RABGAP1L: variants seen among roughly 807,000 people sequenced by gnomAD.
RABGAP1L encodes the protein RAB GTPase activating protein 1 like.
Under a neutral mutation model 137.7 loss-of-function variants are expected in RABGAP1L, and 63 were observed. The observed-to-expected ratio is 0.46, with a 90% confidence interval of 0.37 to 0.56. The LOEUF (loss-of-function observed/expected upper bound fraction) is 0.56. Among genes scored for constraint, RABGAP1L ranks in the 20% least tolerant of loss-of-function variants. The probability of loss-of-function intolerance (pLI) is 0.00; values close to 1 mark genes in which losing one functional copy is unlikely to be tolerated. For missense variants in RABGAP1L, 1,095 were observed against 1,244.0 expected (o/e 0.88, Z 1.80); for synonymous variants, 431 against 433.7 (o/e 0.99, Z 0.08).
At chr1:174,958,087 G>A in intron 20 of RABGAP1L, 1 of 1,517,914 alleles carries the variant, frequency 6.6e-7, no homozygotes, top group Non-Finnish European at 8.8e-7. Flanking sequence ...TTCCAAGACT[G>A]ACACAAGGAT....
intron 13 of RABGAP1L, among the ~76,000 whole-genome samples, chr1:174,539,099 A>C (rs1572224985): frequency 6.6e-6 from 1 of 152,092 alleles, no homozygotes; most frequent in East Asian, 1.9e-4. Context: ...TCCTATTTAC[A>C]GTATAGTTTT....
intron 19 of RABGAP1L, chr1:174,877,756 A>G (rs1033095161): frequency 6.5e-6 from 5 of 772,056 alleles, no homozygotes; most frequent in African/African-American, 3.5e-5. Flanking sequence ...AAACACTCAT[A>G]TAACAGTAGC....
At chr1:174,160,965 G>A (rs1260464495) in intron 1 of RABGAP1L, among the ~76,000 whole-genome samples, 3 of 152,122 alleles carry the variant, frequency 2.0e-5, no homozygotes, top group African/African-American at 4.8e-5. Flanking sequence ...TCAGTAGAGC[G>A]TCCCTTATGA....
chr1:174,869,025 C>T (rs1012586681), intron 19 of RABGAP1L, among the ~76,000 whole-genome samples: 5 of 152,050 alleles, frequency 3.3e-5, no homozygotes, highest in Non-Finnish European at 7.4e-5. Flanking sequence ...GTTGTGTTCT[C>T]GTATACTGAG....
intron 13 of RABGAP1L, among the ~76,000 whole-genome samples, chr1:174,516,707 AGT>A (rs1662890618): frequency 6.6e-6 from 1 of 152,094 alleles, no homozygotes; most frequent in African/African-American, 2.4e-5. Context: ...CCTCAAAACA[AGT>A]GTGTTATAAT....
chr1:174,482,925 G>A (rs1659260975), intron 13 of RABGAP1L, among the ~76,000 whole-genome samples: 1 of 152,070 alleles, frequency 6.6e-6, no homozygotes, highest in Non-Finnish European at 1.5e-5. Context: ...AAATAGAATT[G>A]ATAAATAAAG....
intron 13 of RABGAP1L, among the ~76,000 whole-genome samples, chr1:174,620,894 T>C (rs1289234889): frequency 1.3e-5 from 2 of 151,940 alleles, no homozygotes; most frequent in South Asian, 4.2e-4. Context: ...CTAGCAAGAC[T>C]AATAAAGAAG....
At chr1:174,707,401 T>G (rs1258959206) in intron 17 of RABGAP1L, among the ~76,000 whole-genome samples, 1 of 152,184 alleles carries the variant, frequency 6.6e-6, no homozygotes, top group African/African-American at 2.4e-5. Flanking sequence ...AGAGTCCCTT[T>G]AGTGCTTTTA....
intron 13 of RABGAP1L, among the ~76,000 whole-genome samples, chr1:174,578,608 GCAACACA>G (rs1452660655): frequency 7.9e-5 from 12 of 152,052 alleles, no homozygotes; most frequent in Non-Finnish European, 1.5e-4. Context: ...ACAAGTAGAG[GCAACACA>G]TTTGTGAAGA....
intron 13 of RABGAP1L, among the ~76,000 whole-genome samples, chr1:174,465,222 C>T (rs984584876): frequency 2.6e-5 from 4 of 151,770 alleles, no homozygotes; most frequent in African/African-American, 4.8e-5. Flanking sequence ...TTTTTTGAGG[C>T]GGAGTCTCGC....
chr1:174,206,614 C>T (rs989373810), intron 1 of RABGAP1L, among the ~76,000 whole-genome samples: 3 of 152,114 alleles, frequency 2.0e-5, no homozygotes, highest in Admixed American at 1.3e-4. Flanking sequence ...TCTATTTTAG[C>T]TCAGGAGCCA....
chr1:174,525,962 T>G (rs1271512257), intron 13 of RABGAP1L, among the ~76,000 whole-genome samples: 2 of 152,188 alleles, frequency 1.3e-5, no homozygotes, highest in African/African-American at 2.4e-5. Flanking sequence ...TAAATCATCT[T>G]TGGATCTCTG....
intron 13 of RABGAP1L, among the ~76,000 whole-genome samples, chr1:174,471,867 G>C (rs1374134216): frequency 6.6e-6 from 1 of 152,134 alleles, no homozygotes; most frequent in African/African-American, 2.4e-5. Context: ...TTGAAAACAG[G>C]GTCTGTGAGG....
At chr1:174,318,583 T>TCTTTCTTC (rs2148819246) in intron 11 of RABGAP1L, among the ~76,000 whole-genome samples, 1 of 96,952 alleles carries the variant, frequency 1.0e-5, no homozygotes, top group South Asian at 3.1e-4. Context: ...GTGATTGTTT[T>TCTTTCTTC]CTTTCTTTCT....
At chr1:174,444,550 A>T (rs1483731276) in intron 13 of RABGAP1L, among the ~76,000 whole-genome samples, 1 of 152,098 alleles carries the variant, frequency 6.6e-6, no homozygotes, top group African/African-American at 2.4e-5. Context: ...GGTAGAATTC[A>T]GCAGTGAAGC....
chr1:174,513,976 A>AG (rs1202408205), intron 13 of RABGAP1L, among the ~76,000 whole-genome samples: 1 of 152,132 alleles, frequency 6.6e-6, no homozygotes, highest in East Asian at 1.9e-4. Context: ...GAAAGTCAAG[A>AG]GGAGAGTATC....
At chr1:174,199,814 A>G (rs1378662631) in intron 1 of RABGAP1L, among the ~76,000 whole-genome samples, 2 of 152,206 alleles carry the variant, frequency 1.3e-5, no homozygotes, top group African/African-American at 4.8e-5. Flanking sequence ...TGGTTTGGCA[A>G]AATGCTTCAG....
chr1:174,238,553 G>C (rs549353080), intron 4 of RABGAP1L, among the ~76,000 whole-genome samples: 4 of 151,958 alleles, frequency 2.6e-5, no homozygotes, highest in Admixed American at 6.6e-5. Context: ...TGCCTCTGCT[G>C]GGGGGTGCCT....
At chr1:174,650,411 A>C (rs1448159318) in intron 14 of RABGAP1L, among the ~76,000 whole-genome samples, 2 of 152,134 alleles carry the variant, frequency 1.3e-5, no homozygotes, top group Admixed American at 1.3e-4. Context: ...AAGGAACGGT[A>C]CCAGTTCCTC....
Sources: gnomAD v4.1 joint callset for allele counts (sites outside exome capture counted in the v4.1 genomes callset) on GRCh38, gnomAD v4.1.1 for gene constraint, MANE v1.5 for transcripts, NCBI Gene and HGNC (gene_info 2026-07-23, HGNC 2026-07-21) for gene names.